POLI: variants seen among roughly 807,000 people sequenced by gnomAD.
POLI encodes DNA polymerase iota.
In POLI, 58 loss-of-function variants were observed where a neutral mutation model predicts 51.6. The observed-to-expected ratio is 1.12, with a 90% CI of 0.91 to 1.40. The LOEUF (loss-of-function observed/expected upper bound fraction) is 1.40. Among genes scored for constraint, POLI ranks in the 40% most tolerant of loss-of-function variants. The pLI, the probability that POLI is intolerant of heterozygous loss-of-function variation, is 0.00. For missense variants in POLI, 921 were observed against 871.3 expected (o/e 1.06, Z -0.72); for synonymous variants, 322 against 299.7 (o/e 1.07, Z -0.77).
intron 1 of POLI, 97 bp from the exon 2 acceptor site, chr18:54,271,263 A>G (rs1487330233): frequency 9.4e-7 from 1 of 1,059,974 alleles, no homozygotes; most frequent in South Asian, 1.7e-5. Context: ...GTCACTCTGC[A>G]TTCTTCCTTC....
At position 54,294,597 on chromosome 18, in the gene POLI, GA is replaced by G; in HGVS notation, c.*132del. The G allele has an allele frequency of 7.7e-7, 1 of 1,303,914 alleles. No homozygotes were observed. Among genetic ancestry groups the G allele is most frequent in the Non-Finnish European group, 9.7e-7 (1 of 1,029,832 alleles). The allele number at this position is 1,303,914 out of a possible 1,614,324, so 80.8% of individuals were successfully genotyped here. A position where few individuals can be genotyped will look rare whatever the true frequency, so the allele number is the denominator to read the frequency against. The stretch of plus-strand genomic sequence containing the variant: ...GAGTAAACTGTTCCAGATAAAGCAA[GA>G]ATAGTTGCAAGAAGTAAATTCTGGC... On this transcript the variant is annotated 3_prime_UTR_variant, in exon 10 of 10. Coordinates refer to ENST00000579534, the MANE Select transcript of POLI (RefSeq NM_007195.3).
rs2088223336 is a variant in POLI at position 54,294,779 on chromosome 18, A to G, written c.*312A>G. 2 of 994,994 alleles carry G rather than the reference A, an allele frequency of 2.0e-6. No homozygotes were observed. The highest frequency in any genetic ancestry group is 9.3e-5 in the South Asian group (2 of 21,430). The allele number at this position is 994,994 out of a possible 1,614,324, so 61.6% of individuals were successfully genotyped here. A position where few individuals can be genotyped will look rare whatever the true frequency, so the allele number is the denominator to read the frequency against. ...AGATGTATATGTTTATATATAAAAA[A>G]TAGCCAAATCGTTGCAATGATATGG... On this transcript the variant is annotated 3_prime_UTR_variant, in exon 10 of 10. Coordinates refer to ENST00000579534, the MANE Select transcript of POLI (RefSeq NM_007195.3).
chr18:54,311,647 T>G (rs1237279429), intron 3 of POLI, among the ~76,000 whole-genome samples: 1 of 152,224 alleles, frequency 6.6e-6, no homozygotes, highest in African/African-American at 2.4e-5. Context: ...GTCATCAACT[T>G]TTTTGATATA....
Position 54,283,392 on chromosome 18 carries a change from A to C in POLI, c.975+377A>C, listed in dbSNP as rs1159119594. ...CATTGACTGATTTTTTTGCTATGGG[A>C]CAAGCACTTTACTGAGTGCTTTAAA... is the stretch of plus-strand genomic sequence containing the variant. On this transcript the variant is annotated intron_variant, in intron 6 of 9. Transcript: ENST00000579534. 2.0e-5 allele frequency among the ~76,000 whole-genome samples: 3 copies of C among 152,142 alleles called. No individual in the cohort carries two copies. The East Asian group carries it at 5.8e-4, about 29-fold the overall frequency.
chr18:54,320,542 C>T (rs892299993), intron 4 of POLI: 4 of 152,066 alleles, frequency 2.6e-5, no homozygotes, highest in African/African-American at 9.7e-5. Flanking sequence ...AGATTTGATA[C>T]ATAATATTTT....
In POLI at chr18:54,297,005, T is replaced by C; in HGVS notation, c.*2538T>C. On this transcript the variant is annotated 3_prime_UTR_variant, in exon 10 of 10. Coordinates refer to ENST00000579534, the MANE Select transcript of POLI (RefSeq NM_007195.3). ...ACAGAGGGCCTAAATTGTGTATGTTTTCCTTCAGTATGATTTGAGTTCGTT... is the reference window on the plus strand; with the variant it reads ...ACAGAGGGCCTAAATTGTGTATGTTCTCCTTCAGTATGATTTGAGTTCGTT... 1 of 985,406 alleles carries C rather than the reference T, an allele frequency of 1.0e-6. No homozygotes were observed. The allele number at this position is 985,406 out of a possible 1,614,324, so 61.0% of individuals were successfully genotyped here.
chr18:54,275,702 A>G (rs554400935), intron 3 of POLI, among the ~76,000 whole-genome samples: 2 of 152,120 alleles, frequency 1.3e-5, no homozygotes, highest in East Asian at 3.9e-4. Flanking sequence ...TTTTTCATAT[A>G]TTTTTGGTCA....
chr18:54,302,701 A>G (rs1228712748), downstream of POLI, among the ~76,000 whole-genome samples: 3 of 152,284 alleles, frequency 2.0e-5, no homozygotes, highest in East Asian at 5.8e-4. Flanking sequence ...TGTGCTATCA[A>G]ATACTAGGTC....
Position 54,271,360 on chromosome 18 carries a change from G to A in POLI, c.116G>A (p.Gly39Glu). ...TTTTATTTCTTTGCATATTGTGCAG[G>A]AGTTCATGATCAAGTGTTGCCCACA... ...ADVGAAASSQ[G>E]VHDQVLPTPN... The change falls in exon 2 of 10, where the codon GGA becomes GAA. Residue 39 changes from glycine to glutamate, a missense_variant and splice_region_variant. Gly to Glu is a moderately conservative substitution (Grantham distance 98, BLOSUM62 -2). Transcript: ENST00000579534. 1 of 1,610,522 alleles carries A rather than the reference G, an allele frequency of 6.2e-7. No individual in the cohort carries two copies. Among genetic ancestry groups the A allele is most frequent in the South Asian group, 1.1e-5 (1 of 90,164 alleles).
Position 54,295,841 on chromosome 18 carries a change from TG to T in POLI, c.*1376del. 2.5e-6 allele frequency: 1 copy of T among 392,498 alleles called. No individual in the cohort carries two copies. Among genetic ancestry groups the T allele is most frequent in the Non-Finnish European group, 3.5e-6 (1 of 288,010 alleles). The allele number at this position is 392,498 out of a possible 1,614,324, so 24.3% of individuals were successfully genotyped here. A position where few individuals can be genotyped will look rare whatever the true frequency, so the allele number is the denominator to read the frequency against. The stretch of plus-strand genomic sequence containing the variant: ...TGACATTTCACCATATTGGCCAGGC[TG>T]GTCTCGAACTCCTGGTCTCAGGTGA... On this transcript the variant is annotated 3_prime_UTR_variant, in exon 10 of 10. Coordinates refer to ENST00000579534, the MANE Select transcript of POLI (RefSeq NM_007195.3).
chr18:54,290,307 A>G (rs1371943071), intron 8 of POLI, among the ~76,000 whole-genome samples: 2 of 152,216 alleles, frequency 1.3e-5, no homozygotes, highest in East Asian at 3.8e-4. Context: ...TAGAATGGCG[A>G]TCATTAAAAA....
downstream of POLI, among the ~76,000 whole-genome samples, chr18:54,299,157 G>A (rs137946833): frequency 5.3e-3 from 806 of 152,294 alleles, 6 homozygotes; most frequent in African/African-American, 0.018. Flanking sequence ...AGCCTGGGCC[G>A]GGCGTGGTGG....
chr18:54,291,171 C>T (rs1427988952), intron 8 of POLI, among the ~76,000 whole-genome samples: 2 of 151,762 alleles, frequency 1.3e-5, no homozygotes, highest in Non-Finnish European at 2.9e-5. Context: ...TGTAGTCCCT[C>T]TTTGGTTCTC....
rs1376141901 is a variant in POLI at position 54,296,280 on chromosome 18, A to C, written c.*1813A>C. The C allele has an allele frequency of 2.0e-6, 2 of 985,256 alleles. No individual in the cohort carries two copies. The highest frequency in any genetic ancestry group is 6.2e-5 in the Admixed American group (1 of 16,256). The allele number at this position is 985,256 out of a possible 1,614,324, so 61.0% of individuals were successfully genotyped here. A position where few individuals can be genotyped will look rare whatever the true frequency, so the allele number is the denominator to read the frequency against. ...TGGTTTTGGCCAGCTTAAAAAGAGA[A>C]AGCAAAATAGTTAAAAATACATTTC... On this transcript the variant is annotated 3_prime_UTR_variant, in exon 10 of 10. Coordinates refer to ENST00000579534, the MANE Select transcript of POLI (RefSeq NM_007195.3).
In POLI at chr18:54,296,758, A is replaced by G. The variant is rs1369322687; in HGVS notation, c.*2291A>G. ...TAGCATCTCACCTGCTATTTAAAAC[A>G]ATGATGGTTTTAATTTCAATAAATA... On this transcript the variant is annotated 3_prime_UTR_variant, in exon 10 of 10. Transcript: ENST00000579534. 2.9e-6 allele frequency: 1 copy of G among 342,100 alleles called. No individual in the cohort carries two copies. Among genetic ancestry groups the G allele is most frequent in the African/African-American group, 2.3e-5 (1 of 44,236 alleles). The allele number at this position is 342,100 out of a possible 1,614,324, so 21.2% of individuals were successfully genotyped here.
chr18:54,297,433 A>G lies in POLI; in HGVS notation c.*2966A>G. 7.1e-6 allele frequency: 7 copies of G among 982,306 alleles called. No homozygotes were observed. Among genetic ancestry groups the G allele is most frequent in the Non-Finnish European group, 8.5e-6 (7 of 827,194 alleles). 60.8% of individuals were successfully genotyped at this position (982,306 alleles called of 1,614,324 possible). ...AGATTTCCCTTATATGGTACAAACC[A>G]GCAATGAATTAAGAGGTCTCTTTTC... On this transcript the variant is annotated 3_prime_UTR_variant, in exon 10 of 10. Coordinates refer to ENST00000579534, the MANE Select transcript of POLI (RefSeq NM_007195.3).
intron 8 of POLI, 144 bp from the exon 9 acceptor site, chr18:54,291,689 A>G (rs532064893): frequency 8.1e-6 from 4 of 494,138 alleles, no homozygotes; most frequent in African/African-American, 3.9e-5. Flanking sequence ...ACCATTTAGT[A>G]TTAATATTGA....
chr18:54,309,690 A>G (rs945981436), intron 3 of POLI, among the ~76,000 whole-genome samples: 6 of 152,170 alleles, frequency 3.9e-5, no homozygotes, highest in Non-Finnish European at 8.8e-5. Flanking sequence ...TCAGAGATGG[A>G]GTCTACAGAG....
rs1256579870 is a variant in POLI at position 54,297,287 on chromosome 18, TG to T, written c.*2821del. 1 of 985,028 alleles carries T rather than the reference TG, an allele frequency of 1.0e-6. No individual in the cohort carries two copies. Among genetic ancestry groups the T allele is most frequent in the African/African-American group, 1.8e-5 (1 of 57,044 alleles). The allele number at this position is 985,028 out of a possible 1,614,324, so 61.0% of individuals were successfully genotyped here. On this transcript the variant is annotated 3_prime_UTR_variant, in exon 10 of 10. Transcript: ENST00000579534. ...TGCTTTTGTTTCAGCTCGAGTTTGTTGTTGTTTTTTTTTTTTCCTGTTTCTG... is the reference window on the plus strand; with the variant it reads ...TGCTTTTGTTTCAGCTCGAGTTTGTTTTGTTTTTTTTTTTTCCTGTTTCTG...
Sources: allele counts gnomAD v4.1 joint callset (sites outside exome capture counted in the v4.1 genomes callset), GRCh38; gene constraint gnomAD v4.1.1; transcripts MANE v1.5; gene names NCBI Gene and HGNC (gene_info 2026-07-23, HGNC 2026-07-21).